Variants in MRAP2 observed in about 807,000 individuals in gnomAD.
MRAP2 encodes melanocortin 2 receptor accessory protein 2, also known as melanocortin-2 receptor accessory protein 2.
MRAP2 carries 20 observed loss-of-function variants against 17.4 expected under a neutral mutation model. That is an observed-to-expected ratio of 1.15 (90% confidence interval 0.81 to 1.67). The LOEUF (loss-of-function observed/expected upper bound fraction) is 1.67. Ranked by LOEUF, MRAP2 falls within the 40% of genes most tolerant of loss-of-function variation. The pLI is 0.00. For missense variants in MRAP2, 238 were observed against 240.0 expected (o/e 0.99, Z 0.05); for synonymous variants, 96 against 88.4 (o/e 1.09, Z -0.48).
At chr6:84,115,227 A>G in the MRAP2 span, among the ~76,000 whole-genome samples, 3 of 152,088 alleles carry the variant, frequency 2.0e-5, no homozygotes, top group Admixed American at 6.5e-5. Flanking sequence ...TTTTATCTAT[A>G]AGCCCCTGAC....
chr6:84,061,449 G>T (rs2099493149), intron 2 of MRAP2, among the ~76,000 whole-genome samples: 1 of 152,298 alleles, frequency 6.6e-6, no homozygotes, highest in South Asian at 2.1e-4. Context: ...TAGAGATAAA[G>T]AATTGTGATT....
chr6:84,142,450 C>T, the MRAP2 span, among the ~76,000 whole-genome samples: 20 of 151,946 alleles, frequency 1.3e-4, no homozygotes, highest in South Asian at 3.1e-3. Flanking sequence ...TACCTTTGGA[C>T]GGTATTGTCA....
In MRAP2 at chr6:84,075,450, A is replaced by G. The variant is rs995798002; in HGVS notation, c.227+12458A>G. On this transcript the variant is annotated intron_variant, in intron 3 of 3. Transcript: ENST00000257776. ...TTTTCCATGGAATATTTGCTTTTGT[A>G]TGGTGGGGCAGGCAGGGGATCTCTT... 2.6e-5 allele frequency among the ~76,000 whole-genome samples: 4 copies of G among 152,116 alleles called. No individual in the cohort carries two copies. The South Asian group carries it at 8.3e-4, about 32-fold the overall frequency.
intron 1 of MRAP2, among the ~76,000 whole-genome samples, chr6:84,041,604 C>T (rs2099487609): frequency 6.6e-6 from 1 of 152,264 alleles, no homozygotes; most frequent in Admixed American, 6.5e-5. Flanking sequence ...TGGGAGCCCA[C>T]CTCTTGCATA....
At chr6:84,107,223 C>T in the MRAP2 span, among the ~76,000 whole-genome samples, 42 of 152,262 alleles carry the variant, frequency 2.8e-4, no homozygotes, top group Admixed American at 2.2e-3. Context: ...GTACATGAGA[C>T]GAGTAACACA....
At chr6:84,083,601 A>G (rs2099499542) in intron 3 of MRAP2, among the ~76,000 whole-genome samples, 1 of 152,168 alleles carries the variant, frequency 6.6e-6, no homozygotes, top group African/African-American at 2.4e-5. Flanking sequence ...CCCGGGCAAA[A>G]TTGTATGCTG....
At chr6:84,050,245 G>A (rs2099490093) in intron 1 of MRAP2, among the ~76,000 whole-genome samples, 1 of 152,178 alleles carries the variant, frequency 6.6e-6, no homozygotes, top group East Asian at 1.9e-4. Context: ...AGTAGAAGGT[G>A]ATGGTTCACG....
chr6:84,145,569 T>TTATC, the MRAP2 span, among the ~76,000 whole-genome samples: 3 of 152,114 alleles, frequency 2.0e-5, no homozygotes, highest in South Asian at 2.1e-4. Context: ...CCTTGTTTTT[T>TTATC]TATCTCTGGG....
intron 1 of MRAP2, among the ~76,000 whole-genome samples, chr6:84,041,148 A>C (rs941912399): frequency 1.8e-4 from 27 of 152,212 alleles, no homozygotes; most frequent in Non-Finnish European, 4.0e-4. Flanking sequence ...AAGGCATACA[A>C]AGGGGCCAAG....
At chr6:84,060,473 A>G (rs1020201624) in intron 2 of MRAP2, among the ~76,000 whole-genome samples, 11 of 152,210 alleles carry the variant, frequency 7.2e-5, no homozygotes, top group African/African-American at 2.7e-4. Flanking sequence ...AATGTCAATC[A>G]ACATGATTCA....
Position 84,068,834 on chromosome 6 carries a change from A to G in MRAP2, c.227+5842A>G, listed in dbSNP as rs141073342. 6.1e-3 allele frequency among the ~76,000 whole-genome samples: 667 copies of G among 109,064 alleles called. 3 individuals are homozygous for G. The highest frequency in any genetic ancestry group is 0.022 in the African/African-American group (646 of 28,934). The allele number at this position is 109,064 out of a possible 152,430, so 71.6% of individuals were successfully genotyped here. On this transcript the variant is annotated intron_variant, in intron 3 of 3. Transcript: ENST00000257776. ...GAGACGCACACTACCATGCCTGGCT[A>G]ATTTTTTGTATTTTAGTAGAGATGG...
chr6:84,088,197 T>G (rs575935943), intron 3 of MRAP2, among the ~76,000 whole-genome samples: 21 of 152,324 alleles, frequency 1.4e-4, no homozygotes, highest in African/African-American at 4.8e-4. Flanking sequence ...TCAGTCATGA[T>G]TTGTGCCTTT....
chr6:84,047,796 T>C (rs951401743), intron 1 of MRAP2, among the ~76,000 whole-genome samples: 6 of 152,212 alleles, frequency 3.9e-5, no homozygotes, highest in East Asian at 1.9e-4. Flanking sequence ...ACCACAATTA[T>C]GTTTGCACCA....
chr6:84,143,626 G>C, the MRAP2 span, among the ~76,000 whole-genome samples: 7 of 150,856 alleles, frequency 4.6e-5, no homozygotes, highest in African/African-American at 1.4e-4. Context: ...CTTGCAGAAG[G>C]AGAGAGAAAG....
chr6:84,035,979 G>A (rs1346246718), intron 1 of MRAP2, among the ~76,000 whole-genome samples: 1 of 152,064 alleles, frequency 6.6e-6, no homozygotes, highest in Non-Finnish European at 1.5e-5. Flanking sequence ...CAAGGGAAAT[G>A]TTTTCATTAC....
At chr6:84,126,258 A>C in the MRAP2 span, 1 of 611,688 alleles carries the variant, frequency 1.6e-6, no homozygotes, top group South Asian at 5.8e-5. Flanking sequence ...TTTTAACAAG[A>C]TCAAAATACA....
chr6:84,047,839 A>G (rs1274033732), intron 1 of MRAP2, among the ~76,000 whole-genome samples: 1 of 152,232 alleles, frequency 6.6e-6, no homozygotes, highest in Non-Finnish European at 1.5e-5. Context: ...GAATCTGGCT[A>G]TTCTAGGTAC....
chr6:84,121,413 G>A, the MRAP2 span, among the ~76,000 whole-genome samples: 78 of 152,290 alleles, frequency 5.1e-4, no homozygotes, highest in Non-Finnish European at 9.7e-4. Context: ...GGAGGCCGAG[G>A]TGGGCAGATC....
At chr6:84,098,987 A>G in the MRAP2 span, among the ~76,000 whole-genome samples, 1 of 152,092 alleles carries the variant, frequency 6.6e-6, no homozygotes, top group African/African-American at 2.4e-5. Flanking sequence ...AATAGATATC[A>G]TGCTTTTAGT....
Sources: gnomAD v4.1 joint callset for allele counts (sites outside exome capture counted in the v4.1 genomes callset) on GRCh38, gnomAD v4.1.1 for gene constraint, MANE v1.5 for transcripts, NCBI Gene and HGNC (gene_info 2026-07-23, HGNC 2026-07-21) for gene names.